The following CPVL variants were observed in gnomAD, a reference collection of about 807,000 sequenced individuals.
CPVL encodes the protein probable serine carboxypeptidase CPVL.
CPVL carries 51 observed loss-of-function variants against 63.7 expected under a neutral mutation model. The observed-to-expected ratio is 0.80, with a 90% CI of 0.64 to 1.01. The LOEUF (loss-of-function observed/expected upper bound fraction) is 1.01. Ranked by LOEUF, CPVL falls within the 50% of genes least tolerant of loss-of-function variation. The pLI, the probability that CPVL is intolerant of heterozygous loss-of-function variation, is 0.00. For synonymous variants in CPVL, 195 were observed against 206.0 expected (o/e 0.95, Z 0.46); for missense variants, 530 against 573.1 (o/e 0.92, Z 0.77).
intron 11 of CPVL, among the ~76,000 whole-genome samples, chr7:29,058,914 T>A (rs1340055615): frequency 6.6e-6 from 1 of 152,114 alleles, no homozygotes; most frequent in Non-Finnish European, 1.5e-5. Context: ...ACTCCATGTT[T>A]TCTGAGCTTC....
chr7:29,149,846 C>G (rs1562795166), upstream of CPVL, among the ~76,000 whole-genome samples: 1 of 152,210 alleles, frequency 6.6e-6, no homozygotes, highest in Non-Finnish European at 1.5e-5. Flanking sequence ...GTGTCTGTCT[C>G]TGTGTCCCAA....
At position 29,022,908 on chromosome 7, in the gene CPVL, C is replaced by T. The variant is rs1399496933; in HGVS notation, c.1320+7669G>A. Among the ~76,000 whole-genome samples the T allele has an allele frequency of 4.6e-5, 7 of 152,242 alleles. 1 individual carries two copies. The South Asian group carries it at 6.2e-4, about 13-fold the overall frequency. ...GGCCTAGAGATCAATACACCTTTCC[C>T]GCCAATGCTGGAGCCCATGCATTCC... On this transcript the variant is annotated intron_variant, in intron 12 of 12. Coordinates refer to ENST00000265394, the MANE Select transcript of CPVL (RefSeq NM_031311.5).
intron 11 of CPVL, among the ~76,000 whole-genome samples, chr7:29,048,750 C>T (rs1325014722): frequency 6.6e-6 from 1 of 152,130 alleles, no homozygotes; most frequent in African/African-American, 2.4e-5. Context: ...ATGGAACTTT[C>T]TCCAAGATAG....
intron 1 of CPVL, chr7:29,128,179 T>G (rs1424441836): frequency 6.8e-6 from 1 of 147,996 alleles, no homozygotes; most frequent in Non-Finnish European, 1.5e-5. Flanking sequence ...TTAAGAGTTT[T>G]TTTTTTTTTT....
At chr7:29,096,868 C>T (rs1171135930) in intron 3 of CPVL, among the ~76,000 whole-genome samples, 2 of 151,804 alleles carry the variant, frequency 1.3e-5, no homozygotes, top group Admixed American at 1.3e-4. Context: ...GCCTGTAATC[C>T]GAGCTACTTG....
rs779892091 is a variant in CPVL, at chr7:29,030,777, C to T, written c.1138-18G>A. 8.2e-6 allele frequency: 13 copies of T among 1,586,414 alleles called. No homozygotes were observed. Among genetic ancestry groups the T allele is most frequent in the Non-Finnish European group, 1.0e-5 (12 of 1,167,900 alleles). Reference sequence around the variant, plus strand: ...ATCAGAACCTGAAATGAAATCAAGCCATCAGCAAATGCAAGATTCAGGAGG... The same window carrying T: ...ATCAGAACCTGAAATGAAATCAAGCTATCAGCAAATGCAAGATTCAGGAGG... On this transcript the variant is annotated intron_variant, in intron 11 of 12. Transcript: ENST00000265394.
Position 29,069,420 on chromosome 7 carries a change from A to G in CPVL, c.864+2353T>C, listed in dbSNP as rs1254822168. ...CTTGCCACTGCACTCCAGCCTGGGC[A>G]AGAGAGCGAGACTCCGTCTCAAAAA... On this transcript the variant is annotated intron_variant, in intron 9 of 12. Coordinates refer to ENST00000265394, the MANE Select transcript of CPVL (RefSeq NM_031311.5). 2.2e-5 allele frequency among the ~76,000 whole-genome samples: 3 copies of G among 139,176 alleles called. No individual in the cohort carries two copies. In the Admixed American group the frequency reaches 2.3e-4, roughly 11 times the overall value. The allele number at this position is 139,176 out of a possible 152,430, so 91.3% of individuals were successfully genotyped here.
intron 5 of CPVL, among the ~76,000 whole-genome samples, chr7:29,154,335 C>T (rs1423995437): frequency 6.6e-6 from 1 of 152,194 alleles, no homozygotes; most frequent in African/African-American, 2.4e-5. Flanking sequence ...GTGAATCAGC[C>T]TCTAGCATGT....
intron 5 of CPVL, among the ~76,000 whole-genome samples, chr7:29,169,063 T>C (rs561918646): frequency 0.017 from 2,528 of 152,334 alleles, 53 homozygotes; most frequent in African/African-American, 0.057. Context: ...TAGGCAATTC[T>C]AATGGATATA....
rs1232825192 is a variant in CPVL, at chr7:29,037,020, G to A, written c.1138-6261C>T. Among the ~76,000 whole-genome samples, 5 of 152,128 alleles carry A rather than the reference G, an allele frequency of 3.3e-5. 1 individual carries two copies. Among genetic ancestry groups the A allele is most frequent in the African/African-American group, 1.2e-4 (5 of 41,406 alleles). ...TCCACATTGCCTCACTACTGTCTAA[G>A]GTCACTAACCTCCATAAGAACACAT... is the stretch of plus-strand genomic sequence containing the variant. On this transcript the variant is annotated intron_variant, in intron 11 of 12. Transcript: ENST00000265394.
chr7:29,076,477 T>C lies in CPVL; in HGVS notation c.610-4054A>G, dbSNP rs114385788. 6.7e-3 allele frequency among the ~76,000 whole-genome samples: 1,018 copies of C among 152,290 alleles called. 15 individuals carry two copies. Among genetic ancestry groups the C allele is most frequent in the African/African-American group, 0.023 (969 of 41,554 alleles). On this transcript the variant is annotated intron_variant, in intron 7 of 12. Coordinates refer to ENST00000265394, the MANE Select transcript of CPVL (RefSeq NM_031311.5). ...TGTGGCCAGAAACTAACTGAACACA[T>C]ATTATTTTAGGATTTGGCAGTGACC... is the stretch of plus-strand genomic sequence containing the variant.
intron 2 of CPVL, among the ~76,000 whole-genome samples, chr7:29,186,257 A>C (rs1466219509): frequency 6.6e-6 from 1 of 152,052 alleles, no homozygotes; most frequent in African/African-American, 2.4e-5. Context: ...TTTAGGCAAA[A>C]AAAAAATGAC....
intron 1 of CPVL, among the ~76,000 whole-genome samples, chr7:29,129,619 C>T (rs1042092097): frequency 2.0e-5 from 3 of 152,002 alleles, no homozygotes; most frequent in Non-Finnish European, 4.4e-5. Context: ...CAGGTGTGTG[C>T]TACCACTCCT....
chr7:29,078,961 AGAGTTAAAACAGCTT>A (rs1177492877), intron 7 of CPVL, among the ~76,000 whole-genome samples: 13 of 152,256 alleles, frequency 8.5e-5, no homozygotes, highest in African/African-American at 3.1e-4. Flanking sequence ...CATAGGTTCA[AGAGTTAAAACAGCTT>A]GAATGCTATC....
At chr7:29,107,597 C>A (rs557352551) in intron 3 of CPVL, among the ~76,000 whole-genome samples, 3 of 152,340 alleles carry the variant, frequency 2.0e-5, no homozygotes, top group African/African-American at 7.2e-5. Context: ...AATTCCAGCC[C>A]ATTGACTGGC....
intron 12 of CPVL, among the ~76,000 whole-genome samples, chr7:29,014,274 G>C (rs1258223144): frequency 6.6e-6 from 1 of 152,188 alleles, no homozygotes; most frequent in Non-Finnish European, 1.5e-5. Flanking sequence ...GACTGCTGGT[G>C]GGGGAGATGA....
chr7:29,127,839 C>T (rs1253638576), intron 1 of CPVL, among the ~76,000 whole-genome samples: 1 of 152,176 alleles, frequency 6.6e-6, no homozygotes, highest in African/African-American at 2.4e-5. Flanking sequence ...TTAGATCACA[C>T]TCTTTTGTCC....
chr7:29,128,439 G>A (rs531465196), intron 1 of CPVL, among the ~76,000 whole-genome samples: 51 of 152,100 alleles, frequency 3.4e-4, no homozygotes, highest in African/African-American at 1.1e-3. Flanking sequence ...CTCTGGGCCC[G>A]GCATGATGGC....
chr7:29,114,976 G>A (rs1232976087), intron 2 of CPVL, among the ~76,000 whole-genome samples: 1 of 152,174 alleles, frequency 6.6e-6, no homozygotes, highest in Non-Finnish European at 1.5e-5. Context: ...TGGTCCTTGA[G>A]GGTCCTGTTA....
Sources: allele counts gnomAD v4.1 joint callset (sites outside exome capture counted in the v4.1 genomes callset), GRCh38; gene constraint gnomAD v4.1.1; transcripts MANE v1.5; gene names NCBI Gene and HGNC (gene_info 2026-07-23, HGNC 2026-07-21).